Variants in MALRD1 observed in about 807,000 individuals in gnomAD.
The protein encoded by MALRD1 is MAM and LDL receptor class A domain containing 1.
A neutral mutation model predicts 242.1 loss-of-function variants in MALRD1; 247 were observed. The ratio of observed to expected loss-of-function variants is 1.02; its 90% CI spans 0.92 to 1.13. MALRD1 has a LOEUF of 1.13. Among genes scored for constraint, MALRD1 ranks in the 50% most tolerant of loss-of-function variants. The pLI is 0.00. For synonymous variants in MALRD1, 995 were observed against 866.6 expected (o/e 1.15, Z -2.60); for missense variants, 2,989 against 2,533.1 (o/e 1.18, Z -3.86).
chr10:19,492,961 T>A (rs1172025152), intron 30 of MALRD1, among the ~76,000 whole-genome samples: 3 of 152,138 alleles, frequency 2.0e-5, no homozygotes, highest in South Asian at 2.1e-4. Context: ...CTATTTAAAA[T>A]TTTTAATATA....
chr10:19,539,897 T>TGTGTGTGTGTGTGTGTGCGC (rs1365113182), intron 32 of MALRD1, among the ~76,000 whole-genome samples: 1 of 44,410 alleles, frequency 2.3e-5, no homozygotes, highest in East Asian at 7.8e-4. Flanking sequence ...TGTGTGTGTG[T>TGTGTGTGTGTGTGTGTGCGC]GCGCGCGCGC....
intron 26 of MALRD1, among the ~76,000 whole-genome samples, chr10:19,356,428 A>ATTTAC (rs1255790896): frequency 6.6e-6 from 1 of 152,158 alleles, no homozygotes; most frequent in Non-Finnish European, 1.5e-5. Flanking sequence ...TAAGCCACAT[A>ATTTAC]TTTACTTTTA....
chr10:19,721,418 T>C (rs1834745818), intron 38 of MALRD1, among the ~76,000 whole-genome samples: 1 of 152,152 alleles, frequency 6.6e-6, no homozygotes, highest in South Asian at 2.1e-4. Context: ...AAACAAAATG[T>C]AATGCAATAG....
chr10:19,461,527 T>C (rs1308398615), intron 29 of MALRD1, among the ~76,000 whole-genome samples: 1 of 151,998 alleles, frequency 6.6e-6, no homozygotes, highest in Non-Finnish European at 1.5e-5. Context: ...TGGTACAACG[T>C]CAGGAAGATA....
intron 29 of MALRD1, among the ~76,000 whole-genome samples, chr10:19,486,527 T>C (rs1408994213): frequency 6.6e-6 from 1 of 152,168 alleles, no homozygotes; most frequent in Non-Finnish European, 1.5e-5. Flanking sequence ...TTTCAGTTGA[T>C]TCCAAAGCTG....
chr10:19,103,248 C>T lies in MALRD1; in HGVS notation c.598-731C>T, dbSNP rs1836333066. Among the ~76,000 whole-genome samples the T allele has an allele frequency of 2.6e-5, 4 of 151,990 alleles. No homozygotes were observed. In the South Asian group the frequency reaches 8.3e-4, roughly 32 times the overall value. ...CAATAGGTTAGCATGAGGATGACATCTAAGGCAAGAGTCGATAAGATTTAG... is the reference window on the plus strand; with the variant it reads ...CAATAGGTTAGCATGAGGATGACATTTAAGGCAAGAGTCGATAAGATTTAG... On this transcript the variant is annotated intron_variant, in intron 4 of 39. Coordinates refer to ENST00000454679, the MANE Select transcript of MALRD1 (RefSeq NM_001142308.3).
At chr10:19,607,111 C>A (rs973030089) in intron 34 of MALRD1, among the ~76,000 whole-genome samples, 7 of 152,156 alleles carry the variant, frequency 4.6e-5, no homozygotes, top group Non-Finnish European at 1.0e-4. Flanking sequence ...TGAGTATTAG[C>A]ATCTCTATGC....
At chr10:19,388,972 T>C (rs1048640633) in intron 27 of MALRD1, among the ~76,000 whole-genome samples, 5 of 151,922 alleles carry the variant, frequency 3.3e-5, no homozygotes, top group Non-Finnish European at 5.9e-5. Flanking sequence ...ACATGAAATG[T>C]TATGGATATG....
intron 29 of MALRD1, among the ~76,000 whole-genome samples, chr10:19,467,280 G>A (rs997412635): frequency 3.3e-5 from 5 of 149,686 alleles, no homozygotes; most frequent in African/African-American, 7.3e-5. Flanking sequence ...GCGTGAACCC[G>A]GGAGGCGGAG....
At chr10:19,257,558 G>GT in intron 18 of MALRD1, 126 bp from the exon 19 acceptor site, 2 of 728,010 alleles carry the variant, frequency 2.7e-6, no homozygotes, top group South Asian at 2.4e-5. Flanking sequence ...CTGCAAAGCA[G>GT]TTTTTTAATG....
At chr10:19,607,237 A>T (rs556508760) in intron 34 of MALRD1, among the ~76,000 whole-genome samples, 32 of 152,174 alleles carry the variant, frequency 2.1e-4, no homozygotes, top group Non-Finnish European at 3.5e-4. Context: ...AGGCTGCCGT[A>T]AGAAAATAAC....
rs549645586 is a variant in MALRD1, at chr10:19,636,260, G to A, written c.6137+20337G>A. On this transcript the variant is annotated intron_variant, in intron 36 of 39. Coordinates refer to ENST00000454679, the MANE Select transcript of MALRD1 (RefSeq NM_001142308.3). ...GTAAACTAGTTCTATTAAGACAGGA[G>A]GGTGAAATAAAGACATTGTCAGCCA... Among the ~76,000 whole-genome samples the A allele has an allele frequency of 3.3e-5, 5 of 152,200 alleles. No homozygotes were observed. The South Asian group carries it at 6.2e-4, about 19-fold the overall frequency.
rs758162276 is a variant in MALRD1, at chr10:19,450,333, G to T, written c.4872G>T (p.Trp1624Cys). The T allele has an allele frequency of 2.6e-6, 4 of 1,548,764 alleles. No homozygotes were observed. The highest frequency in any genetic ancestry group is 1.2e-5 in the South Asian group (1 of 83,930). The change falls in exon 29 of 40, where the codon TGG becomes TGT. Residue 1624 changes from tryptophan to cysteine, a missense_variant. Physicochemically the swap from Trp to Cys is radical, Grantham distance 215 (BLOSUM62 -2). Transcript: ENST00000454679. ...IKTEKGLSKV[W>C]QESKQNPGNH... ...CAGAGAAAGGACTATCAAAAGTATG[G>T]CAAGAAAGTAAGCAGAACCCTGGTA...
At chr10:19,359,586 T>C (rs1014515899) in intron 26 of MALRD1, among the ~76,000 whole-genome samples, 1 of 152,048 alleles carries the variant, frequency 6.6e-6, no homozygotes, top group African/African-American at 2.4e-5. Flanking sequence ...CTTTCCTGTG[T>C]AGTCATGTTT....
intron 31 of MALRD1, 46 bp from the exon 32 acceptor site, chr10:19,531,148 C>A (rs117225806): frequency 0.013 from 19,193 of 1,459,476 alleles, 155 homozygotes; most frequent in Non-Finnish European, 0.016. Flanking sequence ...CCGACTCATG[C>A]GATATTATCA....
intron 24 of MALRD1, among the ~76,000 whole-genome samples, chr10:19,341,176 G>A (rs1843831399): frequency 6.6e-6 from 1 of 151,756 alleles, no homozygotes; most frequent in Non-Finnish European, 1.5e-5. Flanking sequence ...GAATTGAATA[G>A]ACTAAAATAT....
intron 20 of MALRD1, among the ~76,000 whole-genome samples, chr10:19,281,216 C>T (rs1324791578): frequency 6.6e-6 from 1 of 152,116 alleles, no homozygotes; most frequent in African/African-American, 2.4e-5. Context: ...CTCAAGCTAG[C>T]CAGGGATTTA....
intron 14 of MALRD1, among the ~76,000 whole-genome samples, chr10:19,200,304 A>G (rs1836461652): frequency 6.6e-6 from 1 of 152,094 alleles, no homozygotes; most frequent in East Asian, 1.9e-4. Flanking sequence ...TAAAATTACT[A>G]CTCACATGCT....
chr10:19,066,808 G>A lies in MALRD1; in HGVS notation c.289G>A (p.Gly97Arg). Residue 97 changes from glycine to arginine, a missense_variant, in exon 2 of 40, where the codon GGG (glycine) becomes AGG (arginine). By Grantham distance (125) the Gly-to-Arg change is moderately radical. Coordinates refer to ENST00000454679, the MANE Select transcript of MALRD1 (RefSeq NM_001142308.3). ...GCAACCTAGTTGGACAAAGAGAAGTGGGATGATTGGTCTATCACCTCCATT... is the reference window on the plus strand; with the variant it reads ...GCAACCTAGTTGGACAAAGAGAAGTAGGATGATTGGTCTATCACCTCCATT... ...SLQPSWTKRS[G>R]MIGLSPPFYD... 4.1e-6 allele frequency: 5 copies of A among 1,233,656 alleles called. No individual in the cohort carries two copies. The highest frequency in any genetic ancestry group is 2.1e-4 in the Middle Eastern group (1 of 4,836). The allele number at this position is 1,233,656 out of a possible 1,614,324, so 76.4% of individuals were successfully genotyped here. A position where few individuals can be genotyped will look rare whatever the true frequency, so the allele number is the denominator to read the frequency against.
Sources: gnomAD v4.1 joint callset for allele counts (sites outside exome capture counted in the v4.1 genomes callset) on GRCh38, gnomAD v4.1.1 for gene constraint, MANE v1.5 for transcripts, NCBI Gene and HGNC (gene_info 2026-07-23, HGNC 2026-07-21) for gene names.